ECE1: variants seen among roughly 807,000 people sequenced by gnomAD.
ECE1 encodes the protein endothelin converting enzyme 1.
ECE1 carries 35 observed loss-of-function variants against 98.6 expected under a neutral mutation model. That is an observed-to-expected ratio of 0.35 (90% CI 0.27 to 0.47). The LOEUF is 0.47. Among genes scored for constraint, ECE1 ranks in the 20% least tolerant of loss-of-function variants. The pLI is 1.00. For missense variants in ECE1, 814 were observed against 1,025.3 expected, an observed-to-expected ratio of 0.79 and a Z score of 2.81; for synonymous variants, 394 against 407.1, an observed-to-expected ratio of 0.97 and a Z score of 0.39.
chr1:21,254,185 C>T (rs369954077), intron 8 of ECE1, among the ~76,000 whole-genome samples: 1 of 151,602 alleles, frequency 6.6e-6, no homozygotes, highest in East Asian at 1.9e-4. Flanking sequence ...GCCCATTTTA[C>T]AAGGAAGGCA....
chr1:21,293,351 C>T (rs1408878363), upstream of ECE1: 1 of 152,186 alleles, frequency 6.6e-6, no homozygotes, highest in Non-Finnish European at 1.5e-5. Flanking sequence ...CACCCTACCC[C>T]ATGCTGCCTT....
Position 21,258,948 on chromosome 1 carries a change from C to A in ECE1, c.616-109G>T. The stretch of plus-strand genomic sequence containing the variant: ...CTGTGACCCTGGAGCAGTCGCCTGA[C>A]CTCTCTGAGCCTCAAGAGCAAAGGA... On this transcript the variant is annotated intron_variant, in intron 5 of 18. Coordinates refer to ENST00000374893, the MANE Select transcript of ECE1 (RefSeq NM_001397.3). This position sits in a 1 kb window ranked among gnomAD's most constrained non-coding sequence, Gnocchi z 4.2. 2.1e-6 allele frequency: 3 copies of A among 1,433,546 alleles called. No individual in the cohort carries two copies. The highest frequency in any genetic ancestry group is 4.9e-5 in the East Asian group (2 of 40,750). The allele number at this position is 1,433,546 out of a possible 1,614,324, so 88.8% of individuals were successfully genotyped here.
rs2098173001 is a variant in ECE1 at position 21,225,530 on chromosome 1, A to G, written c.1850-90T>C. Reference sequence around the variant, plus strand: ...CCCTGCTCCTGGTGAGAAGCGGTTCATCCGTCCACCCCCGTCCTCCAGCCA... The same window carrying G: ...CCCTGCTCCTGGTGAGAAGCGGTTCGTCCGTCCACCCCCGTCCTCCAGCCA... On this transcript the variant is annotated intron_variant, in intron 16 of 18. Coordinates refer to ENST00000374893, the MANE Select transcript of ECE1 (RefSeq NM_001397.3). This position sits in a 1 kb window ranked among gnomAD's most constrained non-coding sequence, Gnocchi z 5.3. The G allele has an allele frequency of 6.8e-7, 1 of 1,468,836 alleles. No individual in the cohort carries two copies. The highest frequency in any genetic ancestry group is 1.9e-5 in the Admixed American group (1 of 51,460). The allele number at this position is 1,468,836 out of a possible 1,614,324, so 91.0% of individuals were successfully genotyped here.
intron 10 of ECE1, 32 bp from the exon 11 acceptor site, chr1:21,238,276 C>T: frequency 6.4e-7 from 1 of 1,565,712 alleles, no homozygotes. Context: ...GCTCGCTGGG[C>T]CCCAGCCCTT....
chr1:21,332,338 T>C (rs1471338490), intron 1 of ECE1, among the ~76,000 whole-genome samples: 1 of 151,956 alleles, frequency 6.6e-6, no homozygotes, highest in Non-Finnish European at 1.5e-5. Flanking sequence ...CCCTGCCTAG[T>C]AATAAATCAG....
Position 21,278,082 on chromosome 1 carries a change from C to T in ECE1, c.280+1109G>A, listed in dbSNP as rs1051830598. On this transcript the variant is annotated intron_variant, in intron 3 of 18. Transcript: ENST00000374893. ...GATCCTGTGAAAGCTCCTAATCTCT[C>T]TCATGGGGTGAGCGACCGAGTCAGT... Among the ~76,000 whole-genome samples the T allele has an allele frequency of 2.6e-5, 4 of 152,312 alleles. No homozygotes were observed. In the East Asian group the frequency reaches 7.7e-4, roughly 29 times the overall value.
At chr1:21,221,646 G>A in intron 18 of ECE1, 101 bp downstream of exon 18, 1 of 1,237,216 alleles carries the variant, frequency 8.1e-7, no homozygotes, top group South Asian at 1.2e-5. Context: ...GACTTGGGAA[G>A]TTCTCAATCT....
At chr1:21,226,522 T>G (rs2098174430) in intron 16 of ECE1, among the ~76,000 whole-genome samples, 1 of 152,090 alleles carries the variant, frequency 6.6e-6, no homozygotes, top group African/African-American at 2.4e-5. Flanking sequence ...GCAGAGGCAG[T>G]GGGGCCTGGA....
intron 1 of ECE1, among the ~76,000 whole-genome samples, chr1:21,336,067 A>G (rs1159193976): frequency 6.6e-6 from 1 of 152,072 alleles, no homozygotes; most frequent in Non-Finnish European, 1.5e-5. Flanking sequence ...CAAAGAAAGG[A>G]CTCAAATTTC....
intron 17 of ECE1, among the ~76,000 whole-genome samples, chr1:21,223,446 A>T (rs182455368): frequency 1.2e-3 from 175 of 151,858 alleles, no homozygotes; most frequent in East Asian, 5.0e-3. Flanking sequence ...GCGTCACCAC[A>T]CTTGGCTATT....
chr1:21,279,672 G>A, intron 2 of ECE1: 1 of 1,405,638 alleles, frequency 7.1e-7, no homozygotes, highest in East Asian at 2.6e-5. Flanking sequence ...GTTTGGACTT[G>A]CAGGCATCCA....
At chr1:21,264,008 G>C (rs2098230564) in intron 4 of ECE1, among the ~76,000 whole-genome samples, 1 of 152,224 alleles carries the variant, frequency 6.6e-6, no homozygotes, top group African/African-American at 2.4e-5. Flanking sequence ...GCTTGGCCAG[G>C]ATGGCGGCAG....
chr1:21,314,119 C>A (rs774500898), intron 1 of ECE1, among the ~76,000 whole-genome samples: 2 of 152,196 alleles, frequency 1.3e-5, no homozygotes, highest in African/African-American at 2.4e-5. Flanking sequence ...TAACAGCAAC[C>A]CCACGTGAAA....
intron 15 of ECE1, 47 bp from the exon 16 acceptor site, chr1:21,227,273 C>A (rs1481212715): frequency 6.4e-7 from 1 of 1,573,236 alleles, no homozygotes; most frequent in South Asian, 1.1e-5. Flanking sequence ...GAGAGGAGGG[C>A]CTCTCACTCT....
chr1:21,281,801 A>G (rs2098254896), intron 2 of ECE1, among the ~76,000 whole-genome samples: 2 of 152,170 alleles, frequency 1.3e-5, no homozygotes, highest in Non-Finnish European at 2.9e-5. Flanking sequence ...GGTTCAAGCG[A>G]TTCTCCTGCC....
At chr1:21,231,758 G>A (rs548613676) in intron 14 of ECE1, among the ~76,000 whole-genome samples, 9 of 152,284 alleles carry the variant, frequency 5.9e-5, no homozygotes, top group South Asian at 2.1e-4. Context: ...GGGCTCAAGC[G>A]CATGCTACCA....
At chr1:21,303,233 C>T (rs771194391) in intron 1 of ECE1, among the ~76,000 whole-genome samples, 2 of 152,208 alleles carry the variant, frequency 1.3e-5, no homozygotes, top group South Asian at 2.1e-4. Context: ...GAGGTGGCAC[C>T]GTGGTGGCTG....
chr1:21,276,026 C>CTTTTTT (rs532213567), intron 3 of ECE1, among the ~76,000 whole-genome samples: 13 of 91,264 alleles, frequency 1.4e-4, no homozygotes, highest in African/African-American at 2.6e-4. Context: ...TTAATACGTG[C>CTTTTTT]TTTTTTTTTT....
rs1639105525 is a variant in ECE1 at position 21,327,514 on chromosome 1, T to C, written c.3+17862A>G. Among the ~76,000 whole-genome samples the C allele has an allele frequency of 6.6e-6, 1 of 152,184 alleles. No homozygotes were observed. Among genetic ancestry groups the C allele is most frequent in the Admixed American group, 6.5e-5 (1 of 15,278 alleles). On this transcript the variant is annotated intron_variant, in intron 1 of 18. Coordinates refer to the ECE1 transcript ENST00000415912. This position sits in a 1 kb window ranked among gnomAD's most constrained non-coding sequence, Gnocchi z 4.6. ...TCCCCACTCAAGTCAAGTTGGATCA[T>C]CTTAGCTCCCTGCTGACACCCCTTC... is the stretch of plus-strand genomic sequence containing the variant.
Sources: gnomAD v4.1 joint callset for allele counts (sites outside exome capture counted in the v4.1 genomes callset) on GRCh38, gnomAD v4.1.1 for gene constraint, Gnocchi (gnomAD v3.1) non-coding constraint, MANE v1.5 for transcripts, NCBI Gene and HGNC (gene_info 2026-07-23, HGNC 2026-07-21) for gene names.